ALDH1L1: variants seen among roughly 807,000 people sequenced by gnomAD.
The protein encoded by ALDH1L1 is cytosolic 10-formyltetrahydrofolate dehydrogenase.
A neutral mutation model predicts 101.1 loss-of-function variants in ALDH1L1; 68 were observed. The observed-to-expected ratio is 0.67, with a 90% confidence interval of 0.55 to 0.82. The LOEUF (loss-of-function observed/expected upper bound fraction) is 0.82, where lower values mean the gene tolerates loss of function less well. ALDH1L1 is among the 40% of genes least tolerant of loss of function. The pLI is 0.00. For synonymous variants in ALDH1L1, 486 were observed against 470.8 expected (o/e 1.03, Z -0.42); for missense variants, 1,087 against 1,172.7 (o/e 0.93, Z 1.07).
chr3:126,129,964 C>G (rs2080266672), intron 14 of ALDH1L1: 1 of 315,146 alleles, frequency 3.2e-6, no homozygotes, highest in African/African-American at 2.2e-5. Flanking sequence ...ACCACCATAC[C>G]CATTTTGGAC....
upstream of ALDH1L1, chr3:126,180,706 C>G: frequency 7.2e-7 from 1 of 1,390,886 alleles, no homozygotes; most frequent in Non-Finnish European, 9.3e-7. Context: ...GGCGGGAGCG[C>G]AGCGCACCCT....
intron 17 of ALDH1L1, 114 bp from the exon 18 acceptor site, chr3:126,114,770 A>T: frequency 1.0e-6 from 1 of 980,934 alleles, no homozygotes; most frequent in Non-Finnish European, 1.6e-6. Context: ...GCAAGAAGCA[A>T]GACCCGGCCA....
chr3:126,157,145 G>A (rs1321862260), intron 4 of ALDH1L1, among the ~76,000 whole-genome samples, 198 bp downstream of exon 4: 1 of 152,114 alleles, frequency 6.6e-6, no homozygotes, highest in East Asian at 1.9e-4. Flanking sequence ...TGTCCGTTGT[G>A]AGCAAGATTC....
chr3:126,139,046 G>A (rs2080512300), intron 9 of ALDH1L1, among the ~76,000 whole-genome samples: 1 of 152,200 alleles, frequency 6.6e-6, no homozygotes, highest in Non-Finnish European at 1.5e-5. Context: ...AGCAGGGCTG[G>A]GTCATATTCC....
chr3:126,159,642 C>CAATG, intron 2 of ALDH1L1: 1 of 412,344 alleles, frequency 2.4e-6, no homozygotes. Flanking sequence ...CCACAGTGAC[C>CAATG]AATGAAATAC....
intron 22 of ALDH1L1, chr3:126,104,897 A>G (rs551982899): frequency 1.6e-4 from 25 of 153,526 alleles, no homozygotes; most frequent in African/African-American, 6.0e-4. Context: ...CTGAGACAGC[A>G]TATGGCTTCC....
intron 8 of ALDH1L1, among the ~76,000 whole-genome samples, chr3:126,148,320 G>A (rs1200658207): frequency 6.6e-6 from 1 of 152,184 alleles, no homozygotes; most frequent in Non-Finnish European, 1.5e-5. Context: ...TTTCTGCCAT[G>A]GGCAGCAACT....
chr3:126,194,537 T>A (rs1220248742), intron 1 of ALDH1L1, among the ~76,000 whole-genome samples: 1 of 152,238 alleles, frequency 6.6e-6, no homozygotes, highest in Admixed American at 6.5e-5. Context: ...ACAATTTTTG[T>A]AAAAGAGCAG....
intron 1 of ALDH1L1, among the ~76,000 whole-genome samples, chr3:126,190,859 T>G (rs1184187595): frequency 6.6e-6 from 1 of 151,858 alleles, no homozygotes; most frequent in Non-Finnish European, 1.5e-5. Context: ...AAAGTATATC[T>G]GCTATCTAAA....
chr3:126,109,766 G>A (rs1946016090), intron 20 of ALDH1L1, among the ~76,000 whole-genome samples, 178 bp downstream of exon 20: 2 of 152,164 alleles, frequency 1.3e-5, no homozygotes, highest in South Asian at 4.2e-4. Flanking sequence ...CCATCCCCGG[G>A]TCTGGCTGGT....
At chr3:126,109,488 G>C (rs536843941) in intron 20 of ALDH1L1, among the ~76,000 whole-genome samples, 85 of 152,262 alleles carry the variant, frequency 5.6e-4, no homozygotes, top group Non-Finnish European at 1.2e-3. Context: ...TATCTGGTAG[G>C]GTCTGAGCTG....
At chr3:126,190,669 C>T (rs895512703) in intron 1 of ALDH1L1, among the ~76,000 whole-genome samples, 1 of 152,128 alleles carries the variant, frequency 6.6e-6, no homozygotes, top group East Asian at 1.9e-4. Context: ...CAGGGCATTC[C>T]CTTGATACTC....
intron 19 of ALDH1L1, among the ~76,000 whole-genome samples, chr3:126,112,074 G>A (rs372736663): frequency 1.3e-5 from 2 of 151,928 alleles, no homozygotes; most frequent in Non-Finnish European, 2.9e-5. Context: ...AAGCCAACCC[G>A]CTGAGGAACT....
chr3:126,170,424 T>TTA (rs768973222), intron 1 of ALDH1L1, among the ~76,000 whole-genome samples: 21 of 121,196 alleles, frequency 1.7e-4, no homozygotes, highest in Middle Eastern at 4.3e-3. Flanking sequence ...TGCCTGTCAT[T>TTA]AAAAAAAAAA....
intron 9 of ALDH1L1, among the ~76,000 whole-genome samples, chr3:126,144,589 T>C (rs1451510371): frequency 1.3e-5 from 2 of 152,160 alleles, no homozygotes; most frequent in African/African-American, 2.4e-5. Context: ...GTGCCAAGAA[T>C]ACATAATGGG....
At chr3:126,169,657 A>C (rs1270366172) in intron 1 of ALDH1L1, among the ~76,000 whole-genome samples, 1 of 152,214 alleles carries the variant, frequency 6.6e-6, no homozygotes, top group East Asian at 1.9e-4. Flanking sequence ...ATAAGTATTT[A>C]ATGGTACAAA....
At chr3:126,197,222 C>T (rs754428281) in intron 1 of ALDH1L1, among the ~76,000 whole-genome samples, 5 of 152,138 alleles carry the variant, frequency 3.3e-5, no homozygotes, top group Non-Finnish European at 5.9e-5. Context: ...AGTAACGTTT[C>T]GCTGTTTCTG....
chr3:126,183,676 G>A (rs1559984128), upstream of ALDH1L1, among the ~76,000 whole-genome samples: 2 of 152,188 alleles, frequency 1.3e-5, no homozygotes, highest in Non-Finnish European at 1.5e-5. Flanking sequence ...GTCTACAGTG[G>A]TTATCCAATG....
chr3:126,131,649 C>CA, intron 12 of ALDH1L1, 115 bp from the exon 13 acceptor site: 1 of 1,242,528 alleles, frequency 8.0e-7, no homozygotes, highest in Non-Finnish European at 1.1e-6. Flanking sequence ...AGTTCTGCCA[C>CA]TCTCAGATGT....
Sources: gnomAD v4.1 joint callset for allele counts (sites outside exome capture counted in the v4.1 genomes callset) on GRCh38, gnomAD v4.1.1 for gene constraint, MANE v1.5 for transcripts, NCBI Gene and HGNC (gene_info 2026-07-23, HGNC 2026-07-21) for gene names.